The following ATP8A1 variants were observed in gnomAD, a reference collection of about 807,000 sequenced individuals.
The protein encoded by ATP8A1 is ATPase phospholipid transporting 8A1.
Under a neutral mutation model 177.7 loss-of-function variants are expected in ATP8A1, and 90 were observed. The observed-to-expected ratio is 0.51, with a 90% CI of 0.43 to 0.60. ATP8A1 has a LOEUF of 0.60. Among genes scored for constraint, ATP8A1 ranks in the 20% least tolerant of loss-of-function variants. The probability of loss-of-function intolerance (pLI) is 0.00; values close to 1 mark genes in which losing one functional copy is unlikely to be tolerated. For missense variants in ATP8A1, 1,072 were observed against 1,392.8 expected, an observed-to-expected ratio of 0.77 and a Z score of 3.67; for synonymous variants, 493 against 485.9, an observed-to-expected ratio of 1.01 and a Z score of -0.19.
chr4:42,507,466 G>A lies in ATP8A1; in HGVS notation c.1948-312C>T, dbSNP rs568753319. Among the ~76,000 whole-genome samples, 6 of 152,004 alleles carry A rather than the reference G, an allele frequency of 3.9e-5. No individual in the cohort carries two copies. In the South Asian group the frequency reaches 1.0e-3, roughly 26 times the overall value. On this transcript the variant is annotated intron_variant, in intron 22 of 36. Transcript: ENST00000381668. Reference sequence around the variant, plus strand: ...AAACAGCCTGGGCACGGTGGCTCACGCCTGTAATCCCAGCACTTTGGGAGG... The same window carrying A: ...AAACAGCCTGGGCACGGTGGCTCACACCTGTAATCCCAGCACTTTGGGAGG...
chr4:42,587,606 T>C (rs1343236705), intron 8 of ATP8A1, among the ~76,000 whole-genome samples: 1 of 145,464 alleles, frequency 6.9e-6, no homozygotes, highest in East Asian at 2.0e-4. Flanking sequence ...CCCATCCTTG[T>C]ACAGCTTTTT....
intron 1 of ATP8A1, among the ~76,000 whole-genome samples, chr4:42,648,846 G>A (rs1740812429): frequency 6.6e-6 from 1 of 151,952 alleles, no homozygotes; most frequent in African/African-American, 2.4e-5. Flanking sequence ...ACCTAATAAA[G>A]CAATGTAAAC....
At chr4:42,414,845 T>G in intron 35 of ATP8A1, 127 bp from the exon 36 acceptor site, 1 of 706,452 alleles carries the variant, frequency 1.4e-6, no homozygotes, top group Non-Finnish European at 2.5e-6. Flanking sequence ...AGCCTAGTGA[T>G]TCTTTTTACA....
At chr4:42,580,171 C>T (rs1732888746) in intron 10 of ATP8A1, among the ~76,000 whole-genome samples, 193 bp from the exon 11 acceptor site, 3 of 152,128 alleles carry the variant, frequency 2.0e-5, no homozygotes, top group South Asian at 4.1e-4. Flanking sequence ...AAGGCCACTA[C>T]ACCACCCAGG....
intron 27 of ATP8A1, among the ~76,000 whole-genome samples, chr4:42,456,174 C>T (rs1718465368): frequency 6.6e-6 from 1 of 152,130 alleles, no homozygotes; most frequent in Admixed American, 6.5e-5. Context: ...TAAGTTGTCA[C>T]ATATCCTTTA....
intron 24 of ATP8A1, among the ~76,000 whole-genome samples, chr4:42,503,093 A>G (rs1724014432): frequency 6.6e-6 from 1 of 152,254 alleles, no homozygotes; most frequent in South Asian, 2.1e-4. Context: ...GGTAAAATAT[A>G]TATGAATACT....
intron 24 of ATP8A1, 49 bp downstream of exon 24, chr4:42,503,401 G>T: frequency 9.4e-7 from 1 of 1,068,446 alleles, no homozygotes; most frequent in Non-Finnish European, 1.4e-6. Flanking sequence ...AAATACTATA[G>T]CATGAATATA....
intron 15 of ATP8A1, among the ~76,000 whole-genome samples, chr4:42,567,649 A>G (rs1731491579): frequency 6.6e-6 from 1 of 152,226 alleles, no homozygotes; most frequent in Non-Finnish European, 1.5e-5. Context: ...TGTACAAGCA[A>G]TTTATGACAA....
At chr4:42,476,238 G>T (rs1220189872) in intron 25 of ATP8A1, among the ~76,000 whole-genome samples, 1 of 152,080 alleles carries the variant, frequency 6.6e-6, no homozygotes, top group African/African-American at 2.4e-5. Flanking sequence ...GAATAACAAA[G>T]GATCCCCCCT....
intron 20 of ATP8A1, among the ~76,000 whole-genome samples, chr4:42,531,106 T>C (rs1487904177): frequency 1.3e-5 from 2 of 152,168 alleles, no homozygotes; most frequent in Non-Finnish European, 2.9e-5. Flanking sequence ...ACTACCAAGA[T>C]GAAATCAGTC....
At chr4:42,617,899 C>T (rs1737075538) in intron 4 of ATP8A1, among the ~76,000 whole-genome samples, 1 of 152,050 alleles carries the variant, frequency 6.6e-6, no homozygotes, top group African/African-American at 2.4e-5. Context: ...GATTTTAATC[C>T]CATGCCTACA....
chr4:42,576,444 C>G (rs1732456610), intron 12 of ATP8A1, among the ~76,000 whole-genome samples: 1 of 125,558 alleles, frequency 8.0e-6, no homozygotes, highest in Admixed American at 1.0e-4. Context: ...CCACTGCACT[C>G]CAGCCTGGGC....
chr4:42,597,827 T>C (rs1435275793), intron 6 of ATP8A1, among the ~76,000 whole-genome samples: 5 of 152,304 alleles, frequency 3.3e-5, no homozygotes, highest in Middle Eastern at 6.8e-3. Context: ...AAATATTTCA[T>C]AAAAATAAAT....
intron 1 of ATP8A1, among the ~76,000 whole-genome samples, chr4:42,655,808 C>A (rs1741554873): frequency 6.6e-6 from 1 of 152,184 alleles, no homozygotes; most frequent in Admixed American, 6.5e-5. Flanking sequence ...ATTCTCCTAA[C>A]TTATATATTT....
intron 20 of ATP8A1, among the ~76,000 whole-genome samples, chr4:42,543,192 T>A (rs1338076045): frequency 1.3e-5 from 2 of 152,220 alleles, no homozygotes; most frequent in Non-Finnish European, 2.9e-5. Flanking sequence ...AATAATAGGC[T>A]TGAGCTTCTT....
At chr4:42,598,730 T>C (rs1414806387) in intron 6 of ATP8A1, among the ~76,000 whole-genome samples, 1 of 152,184 alleles carries the variant, frequency 6.6e-6, no homozygotes, top group African/African-American at 2.4e-5. Context: ...AGGCCTCCCA[T>C]AGGCCACTGG....
chr4:42,414,841 G>A (rs934875656), intron 35 of ATP8A1, 123 bp from the exon 36 acceptor site: 12 of 723,174 alleles, frequency 1.7e-5, no homozygotes, highest in Non-Finnish European at 2.7e-5. Context: ...CCGTAGCCTA[G>A]TGATTCTTTT....
chr4:42,561,403 T>A (rs1042519567), intron 15 of ATP8A1: 21 of 152,208 alleles, frequency 1.4e-4, no homozygotes, highest in African/African-American at 5.1e-4. Context: ...CCTCCAGACA[T>A]CCCTCTGGGA....
Position 42,625,704 on chromosome 4 carries a change from T to C in ATP8A1, c.174A>G (p.Lys58=), listed in dbSNP as rs760496808. 1.3e-6 allele frequency: 2 copies of C among 1,595,950 alleles called. No homozygotes were observed. The highest frequency in any genetic ancestry group is 1.7e-6 in the Non-Finnish European group (2 of 1,170,298). The change falls in exon 3 of 37, where the codon AAA becomes AAG. Residue 58 remains lysine (K), a synonymous_variant. Transcript: ENST00000381668. ...KFCNNHVSTA[K]YNIITFLPRF... ...TTGGAAGGAATGTGATTATGTTGTA[T>C]TTTGCAGTGCTAGAAAACAAAAATG...
Sources: allele counts gnomAD v4.1 joint callset (sites outside exome capture counted in the v4.1 genomes callset), GRCh38; gene constraint gnomAD v4.1.1; transcripts MANE v1.5; gene names NCBI Gene and HGNC (gene_info 2026-07-23, HGNC 2026-07-21).